Variants in DACH2 observed in about 807,000 individuals in gnomAD.
DACH2 encodes the protein dachshund family transcription factor 2.
A neutral mutation model predicts 35.8 loss-of-function variants in DACH2; 17 were observed. That is an observed-to-expected ratio of 0.48 (90% CI 0.33 to 0.71). DACH2 has a LOEUF of 0.71. Ranked by LOEUF, DACH2 falls within the 30% of genes least tolerant of loss-of-function variation. DACH2 has a pLI of 0.02. For synonymous variants in DACH2, 195 were observed against 177.3 expected (o/e 1.10, Z -0.79); for missense variants, 469 against 472.7 (o/e 0.99, Z 0.07).
intron 1 of DACH2, among the ~76,000 whole-genome samples, chrX:86,233,787 C>A (rs2032999457): frequency 1.8e-5 from 2 of 111,162 alleles, no homozygotes; most frequent in Non-Finnish European, 3.8e-5. Context: ...TACATGGTGG[C>A]AACAAGAGAA....
chrX:86,726,169 G>A (rs1318673072), intron 6 of DACH2, among the ~76,000 whole-genome samples: 1 of 111,696 alleles, frequency 9.0e-6, no homozygotes, highest in Non-Finnish European at 1.9e-5. Flanking sequence ...TGCGCAGGTA[G>A]CTCTGGAAAG....
At chrX:86,505,476 C>G (rs2063666219) in intron 2 of DACH2, among the ~76,000 whole-genome samples, 3 of 111,659 alleles carry the variant, frequency 2.7e-5, no homozygotes, top group Admixed American at 9.5e-5. Flanking sequence ...CACATTCTTA[C>G]TTTTTGTTTC....
At chrX:86,236,296 C>T (rs1214007116) in intron 1 of DACH2, among the ~76,000 whole-genome samples, 1 of 112,289 alleles carries the variant, frequency 8.9e-6, no homozygotes, top group Non-Finnish European at 1.9e-5. Flanking sequence ...TATCCTCAAA[C>T]AGCAACGTCT....
chrX:86,165,579 A>G (rs1049222862), intron 1 of DACH2, among the ~76,000 whole-genome samples: 2 of 111,114 alleles, frequency 1.8e-5, no homozygotes, highest in African/African-American at 6.5e-5. Flanking sequence ...TCTGATGACA[A>G]ATGATGTTGG....
chrX:86,642,366 T>G (rs909433242), intron 3 of DACH2, among the ~76,000 whole-genome samples: 1 of 111,702 alleles, frequency 9.0e-6, no homozygotes, highest in African/African-American at 3.3e-5. Flanking sequence ...AGGAAGAGCA[T>G]TACATAATGG....
intron 1 of DACH2, among the ~76,000 whole-genome samples, chrX:86,208,166 A>C (rs926817465): frequency 1.8e-5 from 2 of 110,506 alleles, no homozygotes; most frequent in African/African-American, 6.6e-5. Context: ...TAAGGTATGA[A>C]TATATCATAA....
intron 1 of DACH2, among the ~76,000 whole-genome samples, chrX:86,238,543 G>A (rs904173020): frequency 9.0e-6 from 1 of 111,617 alleles, no homozygotes; most frequent in African/African-American, 3.3e-5. Context: ...TATTTATAAT[G>A]TTCCAGCATA....
At chrX:86,169,922 G>A (rs2031067015) in intron 1 of DACH2, among the ~76,000 whole-genome samples, 1 of 110,560 alleles carries the variant, frequency 9.0e-6, no homozygotes, top group African/African-American at 3.3e-5. Context: ...TTTGATGTGT[G>A]GGTGTTGAAG....
chrX:86,831,054 C>T (rs1041527746), intron 11 of DACH2: 20 of 111,186 alleles, frequency 1.8e-4, no homozygotes, highest in African/African-American at 6.5e-4. Flanking sequence ...TAACCCAAAC[C>T]CCAAATCTTT....
At chrX:86,295,118 T>C (rs376910526) in intron 1 of DACH2, among the ~76,000 whole-genome samples, 118 of 112,889 alleles carry the variant, frequency 1.0e-3, no homozygotes, top group African/African-American at 3.4e-3. Context: ...GGATATAATC[T>C]GATGCCCCGT....
intron 1 of DACH2, among the ~76,000 whole-genome samples, chrX:86,347,852 C>T (rs1226776728): frequency 8.9e-6 from 1 of 111,921 alleles, no homozygotes; most frequent in Non-Finnish European, 1.9e-5. Flanking sequence ...GTATTTCATG[C>T]TTTTTTCTTC....
chrX:86,168,751 A>C (rs1419401451), intron 1 of DACH2, among the ~76,000 whole-genome samples: 1 of 107,657 alleles, frequency 9.3e-6, no homozygotes, highest in Non-Finnish European at 1.9e-5. Flanking sequence ...AAAAAACTAC[A>C]CTTTGCATTA....
intron 2 of DACH2, among the ~76,000 whole-genome samples, chrX:86,399,192 T>C (rs2036367842): frequency 8.9e-6 from 1 of 111,873 alleles, no homozygotes; most frequent in African/African-American, 3.3e-5. Context: ...TATCAGAGAC[T>C]AGGATTGCAA....
chrX:86,725,627 G>A (rs759916246), intron 6 of DACH2, among the ~76,000 whole-genome samples: 7 of 111,295 alleles, frequency 6.3e-5, no homozygotes, highest in South Asian at 3.9e-4. Flanking sequence ...GGGCCAGTTC[G>A]TGGGCCTCCA....
chrX:86,738,263 G>A (rs151294112), intron 6 of DACH2, among the ~76,000 whole-genome samples: 61 of 111,560 alleles, frequency 5.5e-4, no homozygotes, highest in African/African-American at 9.1e-4. Flanking sequence ...CACTGTGCCC[G>A]CTGCAATGCC....
chrX:86,802,589 A>AAATCCG (rs1185549543), intron 7 of DACH2, among the ~76,000 whole-genome samples: 1 of 108,567 alleles, frequency 9.2e-6, no homozygotes, highest in Non-Finnish European at 1.9e-5. Context: ...GCAAAATGAG[A>AAATCCG]AATCCGCTTT....
At chrX:86,478,536 G>GTTTTTTTTTTTTTTT (rs2037884273) in intron 2 of DACH2, among the ~76,000 whole-genome samples, 1 of 90,010 alleles carries the variant, frequency 1.1e-5, no homozygotes, top group Non-Finnish European at 2.3e-5. Context: ...TTTCTTTTTT[G>GTTTTTTTTTTTTTTT]TTTTTCTTTT....
At chrX:86,807,569 C>A (rs2042356847) in intron 7 of DACH2, among the ~76,000 whole-genome samples, 1 of 111,798 alleles carries the variant, frequency 8.9e-6, no homozygotes, top group African/African-American at 3.2e-5. Flanking sequence ...TTACTATTCG[C>A]ATATTTTTTA....
chrX:86,687,593 G>A (rs183526782), intron 4 of DACH2, among the ~76,000 whole-genome samples: 11 of 111,390 alleles, frequency 9.9e-5, no homozygotes, highest in Non-Finnish European at 2.1e-4. Flanking sequence ...ACATGCAAAC[G>A]TATGTTTATC....
Sources: allele counts gnomAD v4.1 joint callset (sites outside exome capture counted in the v4.1 genomes callset), GRCh38; gene constraint gnomAD v4.1.1; transcripts MANE v1.5; gene names NCBI Gene and HGNC (gene_info 2026-07-23, HGNC 2026-07-21).